Variants in CREB5 observed in about 807,000 individuals in gnomAD.
The protein encoded by CREB5 is cyclic AMP-responsive element-binding protein 5.
Under a neutral mutation model 57.1 loss-of-function variants are expected in CREB5, and 19 were observed. The observed-to-expected ratio is 0.33, with a 90% CI of 0.23 to 0.49. The LOEUF is 0.49. Among genes scored for constraint, CREB5 ranks in the 20% least tolerant of loss-of-function variants. The pLI is 0.99. For synonymous variants in CREB5, 238 were observed against 238.3 expected, an observed-to-expected ratio of 1.00 and a Z score of 0.01; for missense variants, 579 against 671.6, an observed-to-expected ratio of 0.86 and a Z score of 1.52.
At chr7:28,629,428 G>A (rs1274111121) in intron 5 of CREB5, among the ~76,000 whole-genome samples, 1 of 152,158 alleles carries the variant, frequency 6.6e-6, no homozygotes. Context: ...CTTCTTTCTG[G>A]CCTCTCTAAA....
chr7:28,711,011 A>T (rs933085432), intron 5 of CREB5, among the ~76,000 whole-genome samples: 1 of 152,214 alleles, frequency 6.6e-6, no homozygotes, highest in African/African-American at 2.4e-5. Flanking sequence ...CGCTTCCATG[A>T]AGGTGAAAGG....
chr7:28,481,636 C>A (rs181367504), intron 1 of CREB5, among the ~76,000 whole-genome samples: 26 of 152,186 alleles, frequency 1.7e-4, no homozygotes, highest in Non-Finnish European at 3.1e-4. Flanking sequence ...TAATAATAGC[C>A]CAATGAAATT....
At chr7:28,656,443 G>A (rs761419254) in intron 5 of CREB5, among the ~76,000 whole-genome samples, 22 of 152,228 alleles carry the variant, frequency 1.4e-4, no homozygotes, top group Middle Eastern at 3.4e-3. Flanking sequence ...CAACAAAAAA[G>A]AAATCACTCT....
intron 1 of CREB5, among the ~76,000 whole-genome samples, chr7:28,335,499 G>A (rs1785806769): frequency 6.6e-6 from 1 of 151,762 alleles, no homozygotes; most frequent in Admixed American, 6.6e-5. Flanking sequence ...TTTTCAGATT[G>A]ATTGCCGTTG....
intron 4 of CREB5, among the ~76,000 whole-genome samples, chr7:28,562,696 A>T (rs950319092): frequency 6.6e-6 from 1 of 152,252 alleles, no homozygotes; most frequent in Non-Finnish European, 1.5e-5. Context: ...AAGGGACACT[A>T]ATCAGACATT....
At chr7:28,653,416 G>A (rs926039727) in intron 5 of CREB5, among the ~76,000 whole-genome samples, 2 of 152,120 alleles carry the variant, frequency 1.3e-5, no homozygotes, top group East Asian at 1.9e-4. Context: ...GTTTCATTGA[G>A]CCTGACTGAG....
At chr7:28,716,443 C>T (rs371977443) in intron 5 of CREB5, among the ~76,000 whole-genome samples, 6 of 152,202 alleles carry the variant, frequency 3.9e-5, no homozygotes, top group East Asian at 1.9e-4. Context: ...GGAATACAAA[C>T]GTGGTAAAAG....
chr7:28,316,251 C>T (rs1051666281), intron 1 of CREB5, among the ~76,000 whole-genome samples: 3 of 152,030 alleles, frequency 2.0e-5, no homozygotes, highest in Non-Finnish European at 4.4e-5. Context: ...GGTTGATGAA[C>T]GTAAATCTGT....
intron 4 of CREB5, among the ~76,000 whole-genome samples, chr7:28,508,040 G>C (rs1423322356): frequency 1.3e-5 from 2 of 152,168 alleles, no homozygotes; most frequent in Non-Finnish European, 2.9e-5. Flanking sequence ...GAGCCAATGG[G>C]TGAGAGAACA....
intron 1 of CREB5, among the ~76,000 whole-genome samples, chr7:28,359,797 G>GA (rs1216045214): frequency 6.6e-6 from 1 of 151,972 alleles, no homozygotes; most frequent in Non-Finnish European, 1.5e-5. Context: ...ATACAAATTA[G>GA]AAAAAATATA....
chr7:28,650,022 G>A (rs964108880), intron 5 of CREB5, among the ~76,000 whole-genome samples: 15 of 152,132 alleles, frequency 9.9e-5, no homozygotes, highest in Admixed American at 9.2e-4. Context: ...GTGCAAAACC[G>A]GTAGATAACG....
At chr7:28,746,622 A>G (rs997357988) in intron 7 of CREB5, among the ~76,000 whole-genome samples, 55 of 152,212 alleles carry the variant, frequency 3.6e-4, no homozygotes, top group African/African-American at 1.3e-3. Context: ...AGAAGCTGAT[A>G]ATTAACTTTA....
At chr7:28,397,233 T>C (rs1787356496) in intron 1 of CREB5, among the ~76,000 whole-genome samples, 1 of 152,226 alleles carries the variant, frequency 6.6e-6, no homozygotes, top group South Asian at 2.1e-4. Context: ...ATCATTGGGA[T>C]AAACAGTGCC....
chr7:28,563,734 G>T (rs1335183784), intron 4 of CREB5, among the ~76,000 whole-genome samples: 3 of 152,152 alleles, frequency 2.0e-5, no homozygotes, highest in Non-Finnish European at 4.4e-5. Flanking sequence ...GTGTATCAAG[G>T]CTAGAGTTTT....
chr7:28,503,967 G>A (rs1268332095), intron 3 of CREB5, among the ~76,000 whole-genome samples: 3 of 152,164 alleles, frequency 2.0e-5, no homozygotes, highest in Non-Finnish European at 2.9e-5. Flanking sequence ...TATAGTTAGA[G>A]AAAAGCAAAG....
At chr7:28,402,642 T>G (rs62451101) in intron 1 of CREB5, among the ~76,000 whole-genome samples, 6,867 of 152,270 alleles carry the variant, frequency 0.045, 183 homozygotes, top group Non-Finnish European at 0.051. Context: ...TGAAACTGGA[T>G]CCTTTCCTTA....
At chr7:28,502,574 A>G (rs906275445) in intron 3 of CREB5, among the ~76,000 whole-genome samples, 3 of 152,220 alleles carry the variant, frequency 2.0e-5, no homozygotes, top group African/African-American at 7.2e-5. Flanking sequence ...CATTGCCTTT[A>G]AAGAATATCC....
intron 5 of CREB5, chr7:28,615,460 C>T (rs1325987751): frequency 6.6e-6 from 1 of 152,290 alleles, no homozygotes; most frequent in Non-Finnish European, 1.5e-5. Flanking sequence ...TATCTTGTTC[C>T]CCACAGTGTC....
At chr7:28,737,162 T>C (rs1171787896) in intron 7 of CREB5, among the ~76,000 whole-genome samples, 1 of 152,194 alleles carries the variant, frequency 6.6e-6, no homozygotes, top group Non-Finnish European at 1.5e-5. Context: ...TTAACAATAA[T>C]GTTAATAATG....
Sources: allele counts gnomAD v4.1 joint callset (sites outside exome capture counted in the v4.1 genomes callset), GRCh38; gene constraint gnomAD v4.1.1; transcripts MANE v1.5; gene names NCBI Gene and HGNC (gene_info 2026-07-23, HGNC 2026-07-21).